Variants in CCDC77 observed in about 807,000 individuals in gnomAD.
The protein encoded by CCDC77 is coiled-coil domain-containing protein 77.
Under a neutral mutation model 66.8 loss-of-function variants are expected in CCDC77, and 56 were observed. That is an observed-to-expected ratio of 0.84 (90% CI 0.68 to 1.05). CCDC77 has a LOEUF of 1.05. Among genes scored for constraint, CCDC77 ranks in the 50% least tolerant of loss-of-function variants. CCDC77 has a pLI of 0.00. For synonymous variants in CCDC77, 196 were observed against 195.2 expected (o/e 1.00, Z -0.03); for missense variants, 570 against 576.8 (o/e 0.99, Z 0.12).
Position 440,863 on chromosome 12 carries a change from G to T in CCDC77, c.1187G>T (p.Gly396Val), listed in dbSNP as rs1172519926. Residue 396 changes from glycine (G) to valine (V), a missense_variant, in exon 12 of 13, where the codon GGG becomes GTG. By Grantham distance (109) the Gly-to-Val change is moderately radical. Transcript: ENST00000239830. Reference protein sequence around the residue: ...EIFKDRTNKMGKRLQIMTKRY... With the variant: ...EIFKDRTNKMVKRLQIMTKRY... ...ATTTAGGATCGCACTAACAAGATGG[G>T]GAAGCGTTTACAGATAATGACAAAA... 3.7e-6 allele frequency: 6 copies of T among 1,613,480 alleles called. No individual in the cohort carries two copies. In the African/African-American group the frequency reaches 8.0e-5, roughly 22 times the overall value.
intron 4 of CCDC77, among the ~76,000 whole-genome samples, chr12:414,194 C>T (rs940553641): frequency 3.3e-5 from 5 of 151,254 alleles, no homozygotes; most frequent in African/African-American, 7.3e-5. Flanking sequence ...CGGGTTCAAA[C>T]GATTCTCCTA....
chr12:389,877 C>T (rs780972598), intron 1 of CCDC77: 3 of 152,454 alleles, frequency 2.0e-5, no homozygotes, highest in Non-Finnish European at 1.5e-5. Flanking sequence ...ATACCCGCCT[C>T]TTCTCCATCA....
intron 5 of CCDC77, among the ~76,000 whole-genome samples, chr12:428,510 C>CAAAA (rs59414510): frequency 1.4e-4 from 8 of 57,876 alleles, no homozygotes; most frequent in African/African-American, 2.9e-4. Flanking sequence ...GACTCTGTCT[C>CAAAA]AAAAAAAAAA....
intron 1 of CCDC77, among the ~76,000 whole-genome samples, chr12:393,969 A>C (rs1944794529): frequency 6.6e-6 from 1 of 152,220 alleles, no homozygotes; most frequent in Admixed American, 6.5e-5. Flanking sequence ...TATCAAAAAA[A>C]TTTACAAAAA....
In CCDC77 at chr12:418,489, T is replaced by G; in HGVS notation, c.271-5T>G. The G allele has an allele frequency of 6.2e-7, 1 of 1,614,078 alleles. No individual in the cohort carries two copies. The highest frequency in any genetic ancestry group is 8.5e-7 in the Non-Finnish European group (1 of 1,179,938). ...TTCAACTATCTTATTGTGGTTTTTT[T>G]GCAGCATAAACTTGAATGTGATTTG... On this transcript the variant is annotated splice_region_variant and splice_polypyrimidine_tract_variant and intron_variant, in intron 4 of 12. Coordinates refer to ENST00000239830, the MANE Select transcript of CCDC77 (RefSeq NM_032358.4).
rs1266104325 is a variant in CCDC77, at chr12:431,854, T to G, written c.584-12T>G. 1.9e-6 allele frequency: 3 copies of G among 1,562,934 alleles called. No homozygotes were observed. The African/African-American group carries it at 4.1e-5, about 22-fold the overall frequency. ...GTAAAATCTTCTTGATGGATTTTGT[T>G]TTCTATTTTAGATCCTAAAATAAGC... On this transcript the variant is annotated splice_polypyrimidine_tract_variant and intron_variant, in intron 7 of 12. Transcript: ENST00000239830.
chr12:412,513 TGA>T (rs1439641135), intron 4 of CCDC77, among the ~76,000 whole-genome samples: 3 of 152,212 alleles, frequency 2.0e-5, no homozygotes, highest in African/African-American at 7.2e-5. Flanking sequence ...TTCTTTGTTG[TGA>T]GGGGTTGTCC....
chr12:412,721 C>T (rs1392185436), intron 4 of CCDC77, among the ~76,000 whole-genome samples: 1 of 152,178 alleles, frequency 6.6e-6, no homozygotes. Flanking sequence ...CAGAATGAAT[C>T]GATGGTAAAC....
intron 4 of CCDC77, among the ~76,000 whole-genome samples, chr12:414,588 C>T (rs767931073): frequency 2.6e-4 from 39 of 152,178 alleles, no homozygotes; most frequent in Non-Finnish European, 5.0e-4. Flanking sequence ...CCCTGACTCA[C>T]TTTTCTCCTG....
intron 2 of CCDC77, among the ~76,000 whole-genome samples, chr12:408,838 G>C (rs1037977416): frequency 1.3e-5 from 2 of 152,072 alleles, no homozygotes; most frequent in Non-Finnish European, 2.9e-5. Context: ...ATTTTTATTT[G>C]AAAATAATTA....
intron 3 of CCDC77, among the ~76,000 whole-genome samples, chr12:410,138 A>G (rs972735412): frequency 3.3e-5 from 5 of 152,222 alleles, no homozygotes; most frequent in African/African-American, 7.2e-5. Context: ...AAGTGAGCAC[A>G]TATATTAACT....
At chr12:425,358 T>C (rs2137589657) in intron 5 of CCDC77, among the ~76,000 whole-genome samples, 1 of 146,608 alleles carries the variant, frequency 6.8e-6, no homozygotes, top group Middle Eastern at 3.4e-3. Flanking sequence ...CGCTCCAGAT[T>C]CTCAGAGGGT....
intron 7 of CCDC77, among the ~76,000 whole-genome samples, chr12:431,066 CA>C (rs372949107): frequency 0.24 from 24,954 of 105,050 alleles, 1,503 homozygotes; most frequent in Non-Finnish European, 0.25. Context: ...AGACTATCTC[CA>C]AAAAAAAAAA....
chr12:423,127 T>TC (rs2137582534), intron 5 of CCDC77, among the ~76,000 whole-genome samples: 1 of 88,446 alleles, frequency 1.1e-5, no homozygotes, highest in Admixed American at 1.5e-4. Context: ...TTTTTTTTTT[T>TC]TTTTTTTTTT....
At chr12:415,332 T>C (rs1340166271) in intron 4 of CCDC77, among the ~76,000 whole-genome samples, 3 of 137,088 alleles carry the variant, frequency 2.2e-5, no homozygotes, top group South Asian at 2.2e-4. Flanking sequence ...ATCAACATAA[T>C]ATTATGTTAA....
At chr12:395,573 A>G (rs1944817715) in intron 1 of CCDC77, among the ~76,000 whole-genome samples, 1 of 152,030 alleles carries the variant, frequency 6.6e-6, no homozygotes, top group Admixed American at 6.5e-5. Context: ...TAAAAATAAT[A>G]ATAAATAATA....
upstream of CCDC77, among the ~76,000 whole-genome samples, chr12:398,593 T>A (rs1203148393): frequency 6.6e-6 from 1 of 151,728 alleles, no homozygotes; most frequent in Non-Finnish European, 1.5e-5. Flanking sequence ...CTAGTTCTCT[T>A]GCTACTTCCA....
At chr12:397,619 C>G (rs1944845225), upstream of CCDC77, among the ~76,000 whole-genome samples, 2 of 151,842 alleles carry the variant, frequency 1.3e-5, no homozygotes, top group South Asian at 2.1e-4. Flanking sequence ...TGCATTATTT[C>G]TTTAAAAAAA....
intron 5 of CCDC77, 155 bp downstream of exon 5, chr12:418,791 C>T: frequency 1.4e-6 from 1 of 710,826 alleles, no homozygotes; most frequent in Non-Finnish European, 2.3e-6. Context: ...CCTCCACCTC[C>T]TGGTTCCAGC....
Sources: allele counts gnomAD v4.1 joint callset (sites outside exome capture counted in the v4.1 genomes callset), GRCh38; gene constraint gnomAD v4.1.1; transcripts MANE v1.5; gene names NCBI Gene and HGNC (gene_info 2026-07-23, HGNC 2026-07-21).